SYNE1: variants seen among roughly 807,000 people sequenced by gnomAD.
The protein encoded by SYNE1 is spectrin repeat containing nuclear envelope protein 1.
Under a neutral mutation model 1,111.0 loss-of-function variants are expected in SYNE1, and 616 were observed. The ratio of observed to expected loss-of-function variants is 0.55; its 90% CI spans 0.52 to 0.59. The LOEUF (loss-of-function observed/expected upper bound fraction) is 0.59, where lower values mean the gene tolerates loss of function less well. Ranked by LOEUF, SYNE1 falls within the 20% of genes least tolerant of loss-of-function variation. The pLI is 0.00. For synonymous variants in SYNE1, 3,855 were observed against 3,825.8 expected (o/e 1.01, Z -0.28); for missense variants, 10,006 against 10,417.0 (o/e 0.96, Z 1.72).
chr6:152,207,982 T>C lies in SYNE1; in HGVS notation c.22814A>G (p.Asp7605Gly), dbSNP rs2153408610. The change falls in exon 125 of 146, where the codon GAT (aspartate) becomes GGT (glycine). Residue 7605 changes from aspartate to glycine, a missense_variant. Asp to Gly is a moderately conservative substitution (Grantham distance 94). Around this residue, in one of 7 missense-constraint regions of SYNE1, gnomAD observed 2,182 missense variants for 2,287.8 expected, o/e 0.95. Coordinates refer to ENST00000367255, the MANE Select transcript of SYNE1 (RefSeq NM_182961.4). ...IPLQQARTLF[D>G]EVQFKEKVFL... The stretch of plus-strand genomic sequence containing the variant: ...TGTTTTGCATCTTACCTGCACTTCA[T>C]CAAAGAGGGTCCTTGCTTGTTGCAG... 1.2e-6 allele frequency: 2 copies of C among 1,614,152 alleles called. No homozygotes were observed. Among genetic ancestry groups the C allele is most frequent in the Non-Finnish European group, 1.7e-6 (2 of 1,180,026 alleles).
chr6:152,374,770 T>C (rs1376834012), intron 58 of SYNE1, among the ~76,000 whole-genome samples: 3 of 123,668 alleles, frequency 2.4e-5, no homozygotes, highest in East Asian at 2.4e-4. Flanking sequence ...TAAACACTTT[T>C]CTCAAAAATA....
At chr6:152,409,472 G>T in intron 43 of SYNE1, 87 bp downstream of exon 43, 1 of 1,531,846 alleles carries the variant, frequency 6.5e-7, no homozygotes, top group Non-Finnish European at 8.9e-7. Context: ...TAAGTATACT[G>T]ATAAGAATAG....
chr6:152,465,225 A>T lies in SYNE1; in HGVS notation c.1932+33T>A, dbSNP rs761288530. The T allele has an allele frequency of 5.6e-6, 9 of 1,610,258 alleles. No individual in the cohort carries two copies. The African/African-American group carries it at 8.0e-5, about 14-fold the overall frequency. On this transcript the variant is annotated intron_variant, in intron 18 of 145. Coordinates refer to ENST00000367255, the MANE Select transcript of SYNE1 (RefSeq NM_182961.4). ...AAGTCTCTCATTTTTACATACATCA[A>T]ACGTCTTTTCTTTTTGCATGAACCA...
Position 152,310,757 on chromosome 6 carries a change from C to T in SYNE1, c.16827G>A (p.Leu5609=). The change falls in exon 88 of 146, where the codon CTG becomes CTA. Residue 5609 remains leucine (L), a synonymous_variant. Transcript: ENST00000367255. The part of the protein sequence containing the change: ...TEKMSQQVAE[L]GRETEELRQM... ...GTCGCAACTCCTCAGTCTCCCGTCCCAGTTCTGCCACTTGCTGAGACATTT... is the reference window on the plus strand; with the variant it reads ...GTCGCAACTCCTCAGTCTCCCGTCCTAGTTCTGCCACTTGCTGAGACATTT... 1 of 1,614,040 alleles carries T rather than the reference C, an allele frequency of 6.2e-7. No individual in the cohort carries two copies.
intron 46 of SYNE1, among the ~76,000 whole-genome samples, chr6:152,403,291 T>A (rs540745887): frequency 2.0e-5 from 3 of 152,174 alleles, no homozygotes; most frequent in Admixed American, 6.5e-5. Flanking sequence ...TGATCTACCC[T>A]GGCCTGCTTC....
intron 73 of SYNE1, among the ~76,000 whole-genome samples, chr6:152,345,933 T>C (rs560171620): frequency 3.9e-5 from 6 of 152,200 alleles, no homozygotes; most frequent in Non-Finnish European, 8.8e-5. Flanking sequence ...TCAAATTCTA[T>C]ATGAATGCAA....
At chr6:152,624,827 C>T (rs929718986) in intron 3 of SYNE1, among the ~76,000 whole-genome samples, 4 of 152,104 alleles carry the variant, frequency 2.6e-5, no homozygotes, top group Admixed American at 2.6e-4. Context: ...TCTGTGTGTG[C>T]TTTAATTTCC....
At chr6:152,556,403 G>C (rs1198383537) in intron 3 of SYNE1, among the ~76,000 whole-genome samples, 1 of 152,204 alleles carries the variant, frequency 6.6e-6, no homozygotes, top group East Asian at 1.9e-4. Context: ...GTGAACTCTA[G>C]TGTCAAGTTG....
At chr6:152,462,082 G>A (rs1349795061) in intron 20 of SYNE1, among the ~76,000 whole-genome samples, 6 of 127,620 alleles carry the variant, frequency 4.7e-5, no homozygotes, top group African/African-American at 2.1e-4. Context: ...TTAAAAATTA[G>A]ACTGGTTTTC....
chr6:152,457,977 T>C (rs905750063), intron 22 of SYNE1, among the ~76,000 whole-genome samples: 5 of 150,830 alleles, frequency 3.3e-5, no homozygotes, highest in Admixed American at 2.0e-4. Flanking sequence ...ATAAGTTTTA[T>C]ACATATAAAA....
Position 152,292,483 on chromosome 6 carries a change from G to A in SYNE1, c.18012+1105C>T, listed in dbSNP as rs2153776484. Among the ~76,000 whole-genome samples, 3 of 152,304 alleles carry A rather than the reference G, an allele frequency of 2.0e-5. No homozygotes were observed. The South Asian group carries it at 6.2e-4, about 32-fold the overall frequency. ...GAAGTCACAAGAGTGTAAAAAACCT[G>A]AAACCACTATTTCTCAATATGCTGT... is the stretch of plus-strand genomic sequence containing the variant. On this transcript the variant is annotated intron_variant, in intron 95 of 145. Transcript: ENST00000367255.
At chr6:152,452,728 T>G (rs1406565090) in intron 25 of SYNE1, among the ~76,000 whole-genome samples, 1 of 152,240 alleles carries the variant, frequency 6.6e-6, no homozygotes, top group Non-Finnish European at 1.5e-5. Context: ...TCCACTGTGC[T>G]GCAGCTACTT....
chr6:152,163,205 A>G (rs760059007), intron 131 of SYNE1, among the ~76,000 whole-genome samples: 4 of 152,230 alleles, frequency 2.6e-5, no homozygotes, highest in Non-Finnish European at 5.9e-5. Context: ...CTTAGCAAGG[A>G]TAAATGAGGG....
At chr6:152,444,659 T>C (rs2098560171) in intron 29 of SYNE1, 81 bp from the exon 30 acceptor site, 4 of 1,302,078 alleles carry the variant, frequency 3.1e-6, no homozygotes, top group Non-Finnish European at 1.1e-6. Context: ...TAAGGTATGA[T>C]TGACAAATAA....
chr6:152,403,011 T>C (rs1324198983), intron 46 of SYNE1, among the ~76,000 whole-genome samples: 1 of 152,180 alleles, frequency 6.6e-6, no homozygotes, highest in African/African-American at 2.4e-5. Flanking sequence ...CTAATGGTAC[T>C]GCTGAACAAG....
intron 3 of SYNE1, among the ~76,000 whole-genome samples, chr6:152,592,122 A>G (rs1212661450): frequency 6.6e-6 from 1 of 152,204 alleles, no homozygotes; most frequent in Non-Finnish European, 1.5e-5. Flanking sequence ...GATTTCTCAA[A>G]GAACTTAAAA....
In SYNE1 at chr6:152,407,257, A is replaced by G. The variant is rs1039314704; in HGVS notation, c.6541-61T>C. 6.1e-6 allele frequency: 9 copies of G among 1,475,316 alleles called. No individual in the cohort carries two copies. In the African/African-American group the frequency reaches 9.7e-5, roughly 16 times the overall value. The allele number at this position is 1,475,316 out of a possible 1,614,324, so 91.4% of individuals were successfully genotyped here. On this transcript the variant is annotated intron_variant, in intron 44 of 145. Transcript: ENST00000367255. Reference sequence around the variant, plus strand: ...AGAGGCGTAAGATGATCATCCCCCAACCAAAGTACCAATGCTTCTTTTATC... The same window carrying G: ...AGAGGCGTAAGATGATCATCCCCCAGCCAAAGTACCAATGCTTCTTTTATC...
In SYNE1 at chr6:152,399,701, ACCAGT is replaced by A; in HGVS notation, c.7147_7151del (p.Thr2383SerfsTer6). The A allele has an allele frequency of 6.2e-7, 1 of 1,614,068 alleles. No homozygotes were observed. Among genetic ancestry groups the A allele is most frequent in the Non-Finnish European group, 8.5e-7 (1 of 1,180,000 alleles). ...TCACGGCTTCATGTTTCTTTATCAGACCAGTCATTGCACGGCCCAGGCTCTCCAAC... is the reference window on the plus strand; with the variant it reads ...TCACGGCTTCATGTTTCTTTATCAGACATTGCACGGCCCAGGCTCTCCAAC... On this transcript the variant is annotated frameshift_variant, in exon 48 of 146. Transcript: ENST00000367255. LOFTEE classifies it high-confidence loss of function.
At chr6:152,311,425 C>T (rs565077763) in intron 87 of SYNE1, among the ~76,000 whole-genome samples, 2 of 152,284 alleles carry the variant, frequency 1.3e-5, no homozygotes, top group South Asian at 4.1e-4. Context: ...AAAAACATCC[C>T]TGATCATTCA....
Sources: allele counts gnomAD v4.1 joint callset (sites outside exome capture counted in the v4.1 genomes callset), GRCh38; gene constraint gnomAD v4.1.1; regional missense constraint gnomAD v4.1.1; transcripts MANE v1.5; gene names NCBI Gene and HGNC (gene_info 2026-07-23, HGNC 2026-07-21).